Variants in ATXN7L1 observed in about 807,000 individuals in gnomAD.
The protein encoded by ATXN7L1 is ataxin 7 like 1.
A neutral mutation model predicts 70.8 loss-of-function variants in ATXN7L1; 15 were observed. The ratio of observed to expected loss-of-function variants is 0.21; its 90% confidence interval spans 0.14 to 0.33. The LOEUF (loss-of-function observed/expected upper bound fraction) is 0.33, where lower values mean the gene tolerates loss of function less well. Ranked by LOEUF, ATXN7L1 falls within the 10% of genes least tolerant of loss-of-function variation. The pLI, the probability that ATXN7L1 is intolerant of heterozygous loss-of-function variation, is 1.00. For missense variants in ATXN7L1, 975 were observed against 1,097.1 expected, an observed-to-expected ratio of 0.89 and a Z score of 1.57; for synonymous variants, 440 against 445.1, an observed-to-expected ratio of 0.99 and a Z score of 0.14.
chr7:105,751,501 T>C (rs967194705), intron 3 of ATXN7L1, among the ~76,000 whole-genome samples: 2 of 152,046 alleles, frequency 1.3e-5, no homozygotes, highest in Non-Finnish European at 2.9e-5. Context: ...CTGGGCATGG[T>C]GGTGCATGCC....
intron 3 of ATXN7L1, among the ~76,000 whole-genome samples, chr7:105,719,830 A>G (rs1794978859): frequency 6.6e-6 from 1 of 152,170 alleles, no homozygotes. Flanking sequence ...TTTGGAGTAG[A>G]TTTCTGCTTT....
chr7:105,629,842 C>T (rs1796330467), intron 7 of ATXN7L1, among the ~76,000 whole-genome samples: 1 of 138,678 alleles, frequency 7.2e-6, no homozygotes, highest in East Asian at 2.2e-4. Flanking sequence ...TTTTGAGACA[C>T]AGTCTCACTC....
intron 2 of ATXN7L1, among the ~76,000 whole-genome samples, chr7:105,823,966 G>T (rs950025468): frequency 6.6e-6 from 1 of 152,118 alleles, no homozygotes; most frequent in Non-Finnish European, 1.5e-5. Context: ...TGGAGAAATG[G>T]GTTAGAAGAG....
At chr7:105,695,933 T>C (rs182766575) in intron 3 of ATXN7L1, among the ~76,000 whole-genome samples, 263 of 152,132 alleles carry the variant, frequency 1.7e-3, no homozygotes, top group African/African-American at 6.1e-3. Context: ...GGTTTGCAGG[T>C]AGGGATGAAT....
At position 105,876,359 on chromosome 7, in the gene ATXN7L1, G is replaced by A. The variant is rs1421118979; in HGVS notation, c.181+19C>T. 4.4e-6 allele frequency: 7 copies of A among 1,582,764 alleles called. No homozygotes were observed. In the Admixed American group the frequency reaches 1.3e-4, roughly 29 times the overall value. On this transcript the variant is annotated intron_variant, in intron 1 of 11. Coordinates refer to ENST00000419735, the MANE Select transcript of ATXN7L1 (RefSeq NM_020725.2). ...GGTTACAGGATAATAAAAGGAGGAG[G>A]AGGTGGTGGGGTTCTTACTGTCGGA...
chr7:105,706,275 C>T (rs971705046), intron 3 of ATXN7L1, among the ~76,000 whole-genome samples: 11 of 139,872 alleles, frequency 7.9e-5, no homozygotes, highest in Admixed American at 2.3e-4. Flanking sequence ...CCCACTGCAA[C>T]CTCTGCCTCC....
chr7:105,639,827 A>G (rs915578515), intron 5 of ATXN7L1, among the ~76,000 whole-genome samples: 1 of 152,202 alleles, frequency 6.6e-6, no homozygotes, highest in African/African-American at 2.4e-5. Flanking sequence ...ACGCAGCACA[A>G]GGCTCGGGGA....
At chr7:105,703,751 T>C (rs952931925) in intron 3 of ATXN7L1, among the ~76,000 whole-genome samples, 1 of 152,186 alleles carries the variant, frequency 6.6e-6, no homozygotes, top group Admixed American at 6.5e-5. Flanking sequence ...GAGGGGATGA[T>C]GCTGCTTTGG....
intron 3 of ATXN7L1, among the ~76,000 whole-genome samples, chr7:105,769,561 C>T (rs1006463845): frequency 2.0e-5 from 3 of 152,152 alleles, no homozygotes; most frequent in African/African-American, 4.8e-5. Flanking sequence ...GGGGCGAAGA[C>T]GGGAAATTTC....
intron 2 of ATXN7L1, among the ~76,000 whole-genome samples, chr7:105,789,833 T>C (rs1166639346): frequency 6.6e-6 from 1 of 151,756 alleles, no homozygotes; most frequent in Non-Finnish European, 1.5e-5. Flanking sequence ...TACGTGGCAA[T>C]ACCTCCGAGA....
chr7:105,742,875 G>T (rs1035398074), intron 3 of ATXN7L1, among the ~76,000 whole-genome samples: 3 of 152,076 alleles, frequency 2.0e-5, no homozygotes, highest in Non-Finnish European at 4.4e-5. Context: ...ACTGGCTGGG[G>T]ATCCTATAGC....
intron 2 of ATXN7L1, among the ~76,000 whole-genome samples, chr7:105,797,223 C>A (rs995162572): frequency 6.6e-6 from 1 of 152,196 alleles, no homozygotes; most frequent in Admixed American, 6.5e-5. Flanking sequence ...TGGAAGGCAT[C>A]CCCTCCCTGG....
At chr7:105,846,534 C>T (rs1381443335) in intron 2 of ATXN7L1, among the ~76,000 whole-genome samples, 3 of 152,104 alleles carry the variant, frequency 2.0e-5, no homozygotes, top group Non-Finnish European at 4.4e-5. Flanking sequence ...TAAAATGGTG[C>T]GGCTGCTTTA....
At chr7:105,687,964 CATA>C (rs1790177461) in intron 3 of ATXN7L1, among the ~76,000 whole-genome samples, 1 of 152,234 alleles carries the variant, frequency 6.6e-6, no homozygotes, top group South Asian at 2.1e-4. Flanking sequence ...TCGGTGCTCT[CATA>C]ATGTTTAACC....
chr7:105,826,293 A>G (rs2116576277), intron 2 of ATXN7L1, among the ~76,000 whole-genome samples: 1 of 152,356 alleles, frequency 6.6e-6, no homozygotes, highest in African/African-American at 2.4e-5. Flanking sequence ...AATGTCTGTC[A>G]CCAGCCAACT....
intron 2 of ATXN7L1, among the ~76,000 whole-genome samples, chr7:105,860,016 C>T (rs369166283): frequency 7.4e-5 from 11 of 149,370 alleles, no homozygotes; most frequent in East Asian, 2.0e-4. Context: ...CTCCTGACTC[C>T]GGGTAATCCA....
At chr7:105,684,785 C>T (rs951207535) in intron 3 of ATXN7L1, among the ~76,000 whole-genome samples, 5 of 152,220 alleles carry the variant, frequency 3.3e-5, no homozygotes, top group Non-Finnish European at 5.9e-5. Flanking sequence ...CAACTCGATA[C>T]ATCCCTCAGT....
chr7:105,760,190 C>T (rs1683852990), intron 3 of ATXN7L1: 1 of 983,832 alleles, frequency 1.0e-6, no homozygotes, highest in African/African-American at 1.7e-5. Context: ...TCCAACCATC[C>T]ACCCATCCAA....
chr7:105,737,929 T>A (rs1344857450), intron 3 of ATXN7L1, among the ~76,000 whole-genome samples: 1 of 152,196 alleles, frequency 6.6e-6, no homozygotes, highest in Non-Finnish European at 1.5e-5. Flanking sequence ...GATTCTGTAC[T>A]ATGTAATCCT....
Sources: allele counts gnomAD v4.1 joint callset (sites outside exome capture counted in the v4.1 genomes callset), GRCh38; gene constraint gnomAD v4.1.1; transcripts MANE v1.5; gene names NCBI Gene and HGNC (gene_info 2026-07-23, HGNC 2026-07-21).